Variants in RCAN2 observed in about 807,000 individuals in gnomAD.
RCAN2 encodes calcipressin-2.
RCAN2 carries 9 observed loss-of-function variants against 23.6 expected under a neutral mutation model. The observed-to-expected ratio is 0.38, with a 90% confidence interval of 0.23 to 0.67. The LOEUF is 0.67. Among genes scored for constraint, RCAN2 ranks in the 30% least tolerant of loss-of-function variants. RCAN2 has a pLI of 0.51. For missense variants in RCAN2, 273 were observed against 302.3 expected (o/e 0.90, Z 0.72); for synonymous variants, 109 against 115.7 (o/e 0.94, Z 0.37).
intron 2 of RCAN2, among the ~76,000 whole-genome samples, chr6:46,409,418 T>G (rs1766490509): frequency 6.6e-6 from 1 of 152,238 alleles, no homozygotes; most frequent in African/African-American, 2.4e-5. Context: ...GCAGTTAAAT[T>G]AATGTTTTCA....
intron 1 of RCAN2, among the ~76,000 whole-genome samples, chr6:46,457,401 C>G (rs1768071689): frequency 6.6e-6 from 1 of 152,100 alleles, no homozygotes; most frequent in Non-Finnish European, 1.5e-5. Context: ...ATATTTTCCC[C>G]AATTTACAGA....
At chr6:46,354,897 A>ATGTGTGTGTGTGTG (rs6149559) in intron 2 of RCAN2, among the ~76,000 whole-genome samples, 2 of 144,642 alleles carry the variant, frequency 1.4e-5, no homozygotes, top group Non-Finnish European at 3.0e-5. Context: ...AAGATTATAT[A>ATGTGTGTGTGTGTG]TGTGTGTGTG....
rs546381171 is a variant in RCAN2, at chr6:46,222,249, G to A, written c.*892C>T. On this transcript the variant is annotated 3_prime_UTR_variant, in exon 5 of 5. Coordinates refer to ENST00000371374, the MANE Select transcript of RCAN2 (RefSeq NM_001251974.2). ...TTATGTTTTGAAGCAGCTAATTGTC[G>A]AACAATCACTAAATAAAAAACATCC... The A allele has an allele frequency of 4.0e-5, 14 of 347,432 alleles. No individual in the cohort carries two copies. The South Asian group carries it at 1.2e-3, about 30-fold the overall frequency. The allele number at this position is 347,432 out of a possible 1,614,324, so 21.5% of individuals were successfully genotyped here.
intron 2 of RCAN2, among the ~76,000 whole-genome samples, chr6:46,449,789 C>G (rs1767822000): frequency 6.6e-6 from 1 of 151,716 alleles, no homozygotes; most frequent in Admixed American, 6.6e-5. Context: ...AGAATGAAAT[C>G]AGAACTTTAG....
intron 2 of RCAN2, among the ~76,000 whole-genome samples, chr6:46,330,806 T>C (rs1005243609): frequency 2.0e-5 from 3 of 152,246 alleles, no homozygotes; most frequent in Non-Finnish European, 4.4e-5. Context: ...TATTTGTCTT[T>C]TAGAATTTAC....
At chr6:46,462,399 G>C (rs957849222) in intron 1 of RCAN2, among the ~76,000 whole-genome samples, 3 of 152,194 alleles carry the variant, frequency 2.0e-5, no homozygotes, top group Non-Finnish European at 4.4e-5. Context: ...AGGAAGCCTG[G>C]AGAAGGGAGG....
chr6:46,363,817 C>T (rs993125379), intron 2 of RCAN2, among the ~76,000 whole-genome samples: 1 of 148,288 alleles, frequency 6.7e-6, no homozygotes, highest in Non-Finnish European at 1.5e-5. Context: ...AAAAAAAATG[C>T]TAGGCTTTAT....
Position 46,271,737 on chromosome 6 carries a change from T to G in RCAN2, c.226-22841A>C, listed in dbSNP as rs1435446747. Among the ~76,000 whole-genome samples the G allele has an allele frequency of 3.9e-5, 6 of 152,236 alleles. No homozygotes were observed. In the South Asian group the frequency reaches 8.3e-4, roughly 21 times the overall value. On this transcript the variant is annotated intron_variant, in intron 2 of 4. Transcript: ENST00000371374. Reference sequence around the variant, plus strand: ...TCTCTTTTTTCTTGCTTCCTTTCCCTTACTCGTGGTAGTGGTAGTAGGGAT... The same window carrying G: ...TCTCTTTTTTCTTGCTTCCTTTCCCGTACTCGTGGTAGTGGTAGTAGGGAT...
At chr6:46,272,564 T>C (rs972367878) in intron 2 of RCAN2, among the ~76,000 whole-genome samples, 11 of 152,236 alleles carry the variant, frequency 7.2e-5, no homozygotes, top group Admixed American at 7.2e-4. Flanking sequence ...CTTTTATGTA[T>C]ATTAAATGTC....
At position 46,263,539 on chromosome 6, in the gene RCAN2, A is replaced by ATGTGTG. The variant is rs59953064; in HGVS notation, c.226-14649_226-14644dup. ...TGTGTGTATGTGTGTGTGTGTGTGT[A>ATGTGTG]TGTGTGTGTGTGTGTGTGTGTATGT... is the stretch of plus-strand genomic sequence containing the variant. On this transcript the variant is annotated intron_variant, in intron 2 of 4. Transcript: ENST00000371374. 4.9e-5 allele frequency among the ~76,000 whole-genome samples: 4 copies of ATGTGTG among 82,458 alleles called. No individual in the cohort carries two copies. In the South Asian group the frequency reaches 1.1e-3, roughly 24 times the overall value. The allele number at this position is 82,458 out of a possible 152,430, so 54.1% of individuals were successfully genotyped here. A position where few individuals can be genotyped will look rare whatever the true frequency, so the allele number is the denominator to read the frequency against.
chr6:46,487,866 C>T (rs941036641), intron 1 of RCAN2, among the ~76,000 whole-genome samples: 24 of 152,210 alleles, frequency 1.6e-4, no homozygotes, highest in African/African-American at 5.8e-4. Context: ...CAGGTACGAC[C>T]TTAACCCAAA....
chr6:46,424,557 C>T (rs1002940996), intron 2 of RCAN2, among the ~76,000 whole-genome samples: 1 of 152,060 alleles, frequency 6.6e-6, no homozygotes, highest in Admixed American at 6.6e-5. Flanking sequence ...CTAGAATGCA[C>T]TGTTGTTTTC....
intron 4 of RCAN2, among the ~76,000 whole-genome samples, chr6:46,238,785 C>T (rs137887283): frequency 9.2e-5 from 14 of 152,140 alleles, no homozygotes; most frequent in Non-Finnish European, 2.1e-4. Context: ...AACTCCTAGG[C>T]TCAACTGATC....
At chr6:46,268,886 C>G (rs1009578911) in intron 2 of RCAN2, among the ~76,000 whole-genome samples, 3 of 152,212 alleles carry the variant, frequency 2.0e-5, no homozygotes, top group Non-Finnish European at 4.4e-5. Context: ...TAAGCCCAGT[C>G]TGGCCTGATG....
Position 46,477,163 on chromosome 6 carries a change from GA to G in RCAN2, c.-3+14009del, listed in dbSNP as rs1205568162. Among the ~76,000 whole-genome samples the G allele has an allele frequency of 3.3e-5, 5 of 152,138 alleles. No homozygotes were observed. The South Asian group carries it at 1.0e-3, about 32-fold the overall frequency. On this transcript the variant is annotated intron_variant, in intron 1 of 4. Transcript: ENST00000371374. Reference sequence around the variant, plus strand: ...ATCTGGCTGTTCATCATGTCCTTTAGAATCCTCCCCTTCTCTCTCTCCAACT... The same window carrying G: ...ATCTGGCTGTTCATCATGTCCTTTAGATCCTCCCCTTCTCTCTCTCCAACT...
intron 2 of RCAN2, among the ~76,000 whole-genome samples, chr6:46,409,263 C>T (rs1766487828): frequency 6.6e-6 from 1 of 151,920 alleles, no homozygotes; most frequent in African/African-American, 2.4e-5. Flanking sequence ...AAAGCAATAA[C>T]TAAAAATCAC....
intron 2 of RCAN2, among the ~76,000 whole-genome samples, chr6:46,418,110 A>G (rs1250692150): frequency 6.6e-6 from 1 of 152,204 alleles, no homozygotes; most frequent in African/African-American, 2.4e-5. Flanking sequence ...AAACTTCAAG[A>G]AAGGAAAATT....
At chr6:46,347,883 A>T (rs1041977789) in intron 2 of RCAN2, among the ~76,000 whole-genome samples, 9 of 152,374 alleles carry the variant, frequency 5.9e-5, no homozygotes, top group Middle Eastern at 6.8e-3. Context: ...TCTGTTTAAC[A>T]GAAACTTTTT....
intron 2 of RCAN2, among the ~76,000 whole-genome samples, chr6:46,410,028 T>C (rs1479379863): frequency 1.3e-5 from 2 of 152,140 alleles, no homozygotes; most frequent in African/African-American, 4.8e-5. Context: ...TCTCTCTCTC[T>C]CCTGGAGCAG....
Sources: allele counts gnomAD v4.1 joint callset (sites outside exome capture counted in the v4.1 genomes callset), GRCh38; gene constraint gnomAD v4.1.1; transcripts MANE v1.5; gene names NCBI Gene and HGNC (gene_info 2026-07-23, HGNC 2026-07-21).